The following AR variants were observed in gnomAD, a reference collection of about 807,000 sequenced individuals.
AR encodes androgen receptor, also known as dihydrotestosterone receptor.
In AR, 8 loss-of-function variants were observed where a neutral mutation model predicts 53.9. The ratio of observed to expected loss-of-function variants is 0.15; its 90% confidence interval spans 0.09 to 0.27. The LOEUF (loss-of-function observed/expected upper bound fraction) is 0.27. AR is among the 10% of genes least tolerant of loss of function. The probability of loss-of-function intolerance (pLI) is 1.00; values close to 1 mark genes in which losing one functional copy is unlikely to be tolerated. For synonymous variants in AR, 359 were observed against 316.4 expected (o/e 1.13, Z -1.43); for missense variants, 639 against 742.5 (o/e 0.86, Z 1.62).
chrX:67,669,202 G>T (rs1927418138), intron 2 of AR, among the ~76,000 whole-genome samples: 1 of 110,859 alleles, frequency 9.0e-6, no homozygotes, highest in African/African-American at 3.3e-5. Context: ...CCATAATATT[G>T]CTTTTGCTGT....
intron 1 of AR, among the ~76,000 whole-genome samples, chrX:67,585,202 G>A (rs775109156): frequency 1.9e-5 from 2 of 106,120 alleles, no homozygotes; most frequent in South Asian, 8.8e-4. Context: ...GTTGGAGATT[G>A]CAGTGAGCCG....
intron 4 of AR, among the ~76,000 whole-genome samples, chrX:67,713,537 A>G (rs1033557325): frequency 5.4e-5 from 6 of 111,779 alleles, no homozygotes; most frequent in Non-Finnish European, 1.1e-4. Context: ...TTTCATATAT[A>G]TGATCCCACT....
intron 2 of AR, among the ~76,000 whole-genome samples, chrX:67,646,295 A>C (rs1926054678): frequency 1.8e-5 from 2 of 111,189 alleles, no homozygotes; most frequent in Admixed American, 1.9e-4. Flanking sequence ...AGGGAGTCCT[A>C]CATTTTCTCC....
chrX:67,693,625 C>T (rs1036287928), intron 3 of AR, among the ~76,000 whole-genome samples: 6 of 111,686 alleles, frequency 5.4e-5, no homozygotes, highest in Admixed American at 9.5e-5. Flanking sequence ...TTTGGGATCA[C>T]GTTGTTAAGA....
intron 2 of AR, among the ~76,000 whole-genome samples, chrX:67,660,516 A>G (rs1283171409): frequency 3.0e-4 from 34 of 111,497 alleles, no homozygotes; most frequent in Non-Finnish European, 3.8e-5. Flanking sequence ...CAAAGATCAG[A>G]TGGTTGTATA....
intron 1 of AR, among the ~76,000 whole-genome samples, chrX:67,628,788 CTTA>C (rs1174392471): frequency 9.0e-6 from 1 of 111,526 alleles, no homozygotes; most frequent in Admixed American, 9.5e-5. Flanking sequence ...ATAGATAGCT[CTTA>C]TTATTTTAAA....
At chrX:67,672,147 C>G (rs2075869411) in intron 2 of AR, among the ~76,000 whole-genome samples, 1 of 111,577 alleles carries the variant, frequency 9.0e-6, no homozygotes, top group African/African-American at 3.3e-5. Flanking sequence ...CCTCAAAGTC[C>G]ATTATATCAC....
chrX:67,584,357 A>G (rs947921996), intron 1 of AR, among the ~76,000 whole-genome samples: 4 of 112,126 alleles, frequency 3.6e-5, no homozygotes, highest in Non-Finnish European at 7.5e-5. Context: ...TGTGAAGAAA[A>G]GTGAATTGAA....
intron 2 of AR, among the ~76,000 whole-genome samples, chrX:67,656,681 C>A (rs1209415869): frequency 9.0e-6 from 1 of 111,365 alleles, no homozygotes; most frequent in Admixed American, 9.6e-5. Flanking sequence ...ACTAAGAGAA[C>A]AGGAATACAC....
intron 2 of AR, among the ~76,000 whole-genome samples, chrX:67,671,343 A>T (rs1164697963): frequency 1.8e-5 from 2 of 112,260 alleles, no homozygotes; most frequent in African/African-American, 6.5e-5. Context: ...CATTTCTCTA[A>T]TGACCAGTGA....
intron 3 of AR, among the ~76,000 whole-genome samples, chrX:67,710,952 A>G (rs1455554086): frequency 8.9e-6 from 1 of 112,521 alleles, no homozygotes; most frequent in Non-Finnish European, 1.9e-5. Context: ...AACGTTTTCT[A>G]GAATTGATTG....
At chrX:67,717,731 G>T (rs748092638) in intron 5 of AR, 109 bp downstream of exon 5, 10 of 1,083,699 alleles carry the variant, frequency 9.2e-6, no homozygotes, top group Non-Finnish European at 1.3e-5. Flanking sequence ...TTGATCTGCA[G>T]TTGTCGCAGC....
intron 1 of AR, among the ~76,000 whole-genome samples, chrX:67,569,537 G>A (rs927504722): frequency 5.4e-5 from 6 of 111,644 alleles, no homozygotes; most frequent in African/African-American, 2.0e-4. Flanking sequence ...TAGTGGGAAC[G>A]TGTCTTTTCT....
intron 2 of AR, among the ~76,000 whole-genome samples, chrX:67,662,789 T>A (rs1432011611): frequency 9.1e-6 from 1 of 109,677 alleles, no homozygotes; most frequent in African/African-American, 3.3e-5. Context: ...AAGGACTTGC[T>A]TTATGAATCT....
chrX:67,664,982 G>A (rs1186393770), intron 2 of AR, among the ~76,000 whole-genome samples: 2 of 112,756 alleles, frequency 1.8e-5, no homozygotes, highest in Admixed American at 9.3e-5. Flanking sequence ...GTATTATGGT[G>A]GGAGTGACCC....
chrX:67,682,451 ATT>A (rs368676022), intron 2 of AR, among the ~76,000 whole-genome samples: 4 of 104,024 alleles, frequency 3.8e-5, no homozygotes, highest in African/African-American at 1.0e-4. Context: ...CACCTAGCTA[ATT>A]TTTTTTTTTC....
chrX:67,664,392 G>A (rs1295108880), intron 2 of AR, among the ~76,000 whole-genome samples: 1 of 112,127 alleles, frequency 8.9e-6, no homozygotes, highest in Non-Finnish European at 1.9e-5. Flanking sequence ...TCCAGACCCT[G>A]TTTGCCTGGT....
intron 2 of AR, among the ~76,000 whole-genome samples, chrX:67,665,779 C>T (rs1232098125): frequency 2.7e-5 from 3 of 111,947 alleles, no homozygotes; most frequent in Admixed American, 9.5e-5. Flanking sequence ...TATGTTGCCT[C>T]AAGGAGGCCC....
chrX:67,638,463 C>A (rs1925568530), intron 1 of AR, among the ~76,000 whole-genome samples: 1 of 111,952 alleles, frequency 8.9e-6, no homozygotes, highest in Admixed American at 9.5e-5. Context: ...GTTCCTATTT[C>A]TTCACATCCT....
Sources: gnomAD v4.1 joint callset for allele counts (sites outside exome capture counted in the v4.1 genomes callset) on GRCh38, gnomAD v4.1.1 for gene constraint, MANE v1.5 for transcripts, NCBI Gene and HGNC (gene_info 2026-07-23, HGNC 2026-07-21) for gene names.